The following CCDC102B variants were observed in gnomAD, a reference collection of about 807,000 sequenced individuals.
The protein encoded by CCDC102B is coiled-coil domain containing 102B.
A neutral mutation model predicts 57.4 loss-of-function variants in CCDC102B; 75 were observed. The observed-to-expected ratio is 1.31, with a 90% CI of 1.08 to 1.58. CCDC102B has a LOEUF of 1.58. Among genes scored for constraint, CCDC102B ranks in the 40% most tolerant of loss-of-function variants. The pLI is 0.00. For missense variants in CCDC102B, 636 were observed against 582.6 expected (o/e 1.09, Z -0.94); for synonymous variants, 206 against 201.9 (o/e 1.02, Z -0.17).
At chr18:69,052,707 T>C (rs1213070392) in intron 7 of CCDC102B, among the ~76,000 whole-genome samples, 1 of 151,806 alleles carries the variant, frequency 6.6e-6, no homozygotes, top group Non-Finnish European at 1.5e-5. Flanking sequence ...GTGCGGTGCG[T>C]TGCTATATAT....
At chr18:68,809,034 A>G (rs1256090992) in intron 1 of CCDC102B, among the ~76,000 whole-genome samples, 2 of 152,238 alleles carry the variant, frequency 1.3e-5, no homozygotes, top group African/African-American at 4.8e-5. Context: ...AAGAAAAAAC[A>G]TAATTATGAA....
At chr18:68,964,636 C>A (rs2050126120) in intron 6 of CCDC102B, among the ~76,000 whole-genome samples, 1 of 151,690 alleles carries the variant, frequency 6.6e-6, no homozygotes, top group African/African-American at 2.4e-5. Flanking sequence ...TAAACTATGT[C>A]TTTATATTTA....
chr18:69,049,216 C>A (rs1388865689), intron 7 of CCDC102B, among the ~76,000 whole-genome samples: 1 of 151,926 alleles, frequency 6.6e-6, no homozygotes, highest in Admixed American at 6.6e-5. Context: ...ACAGGCCCTG[C>A]TGTGTGATGT....
chr18:68,731,172 G>A (rs1254379805), intron 2 of CCDC102B, among the ~76,000 whole-genome samples: 1 of 152,034 alleles, frequency 6.6e-6, no homozygotes, highest in Non-Finnish European at 1.5e-5. Flanking sequence ...TTTTAGTAGA[G>A]ACAGGGTTTC....
At chr18:68,894,236 A>G (rs1304843734) in intron 5 of CCDC102B, among the ~76,000 whole-genome samples, 1 of 152,050 alleles carries the variant, frequency 6.6e-6, no homozygotes, top group East Asian at 1.9e-4. Context: ...TAAGTGTAGT[A>G]TTGGATATTT....
intron 2 of CCDC102B, among the ~76,000 whole-genome samples, chr18:68,724,313 T>A (rs1283163262): frequency 6.6e-6 from 1 of 152,208 alleles, no homozygotes; most frequent in East Asian, 1.9e-4. Context: ...TCCCCTTTGT[T>A]TTGGTGATTA....
At chr18:69,007,360 G>A (rs2051379442) in intron 6 of CCDC102B, among the ~76,000 whole-genome samples, 1 of 152,098 alleles carries the variant, frequency 6.6e-6, no homozygotes, top group Non-Finnish European at 1.5e-5. Context: ...CTCCCCCAAA[G>A]TCTCAGATTG....
At chr18:68,895,330 C>T (rs550932161) in intron 5 of CCDC102B, among the ~76,000 whole-genome samples, 1 of 151,666 alleles carries the variant, frequency 6.6e-6, no homozygotes, top group African/African-American at 2.4e-5. Flanking sequence ...GATTTGGGAA[C>T]AGAACATTTT....
At position 68,819,041 on chromosome 18, in the gene CCDC102B, C is replaced by G. The variant is rs562346998; in HGVS notation, c.-15-17708C>G. 1.9e-4 allele frequency among the ~76,000 whole-genome samples: 29 copies of G among 152,230 alleles called. No homozygotes were observed. The South Asian group carries it at 6.0e-3, about 32-fold the overall frequency. Reference sequence around the variant, plus strand: ...ATATATGCACGCTTAATGCATTCTTCACGCTATTATTTGCCTTTTCATTCT... The same window carrying G: ...ATATATGCACGCTTAATGCATTCTTGACGCTATTATTTGCCTTTTCATTCT... On this transcript the variant is annotated intron_variant, in intron 1 of 7. Coordinates refer to ENST00000360242, the MANE Select transcript of CCDC102B (RefSeq NM_024781.3).
intron 6 of CCDC102B, among the ~76,000 whole-genome samples, chr18:68,935,660 C>A (rs971635838): frequency 3.3e-5 from 5 of 151,794 alleles, no homozygotes; most frequent in Admixed American, 2.6e-4. Context: ...CAGATGAACA[C>A]GAATTGATAG....
At chr18:69,026,618 C>G (rs1179937220) in intron 7 of CCDC102B, among the ~76,000 whole-genome samples, 1 of 151,864 alleles carries the variant, frequency 6.6e-6, no homozygotes. Context: ...AATCATCCTC[C>G]CTGAAGTCAG....
chr18:68,991,311 A>G (rs74377560), intron 6 of CCDC102B, among the ~76,000 whole-genome samples: 2,323 of 152,214 alleles, frequency 0.015, 48 homozygotes, highest in East Asian at 0.082. Context: ...TGCCTGGGGA[A>G]CTTGTAAAAG....
intron 1 of CCDC102B, among the ~76,000 whole-genome samples, chr18:68,716,113 CT>C (rs1211004539): frequency 1.4e-5 from 2 of 147,536 alleles, no homozygotes; most frequent in African/African-American, 2.7e-5. Flanking sequence ...TTCTCTTTTC[CT>C]TTTTTTCTTT....
chr18:68,910,270 G>T (rs1298480572), intron 6 of CCDC102B, among the ~76,000 whole-genome samples: 1 of 152,148 alleles, frequency 6.6e-6, no homozygotes, highest in African/African-American at 2.4e-5. Flanking sequence ...TCCAGCCTGG[G>T]CAACAGAGTG....
chr18:68,747,106 G>T (rs2033649735), intron 2 of CCDC102B, among the ~76,000 whole-genome samples: 1 of 151,848 alleles, frequency 6.6e-6, no homozygotes, highest in African/African-American at 2.4e-5. Context: ...CTCTCTTCTG[G>T]CTGTTTGAAG....
chr18:68,931,284 A>C (rs537837348), intron 6 of CCDC102B, among the ~76,000 whole-genome samples: 1 of 152,108 alleles, frequency 6.6e-6, no homozygotes, highest in African/African-American at 2.4e-5. Context: ...TTATATGAAT[A>C]CATTTTAAGA....
intron 6 of CCDC102B, among the ~76,000 whole-genome samples, chr18:69,010,503 C>G (rs116231077): frequency 0.033 from 4,972 of 152,122 alleles, 268 homozygotes; most frequent in African/African-American, 0.11. Flanking sequence ...AACAACATGA[C>G]TACAGCCTCA....
intron 6 of CCDC102B, among the ~76,000 whole-genome samples, chr18:68,975,845 T>C (rs1045040541): frequency 2.0e-5 from 3 of 151,308 alleles, no homozygotes; most frequent in African/African-American, 7.3e-5. Flanking sequence ...AGTGCCACTT[T>C]CATTTAAAAA....
intron 4 of CCDC102B, chr18:68,866,766 T>C: frequency 3.0e-6 from 2 of 657,604 alleles, no homozygotes; most frequent in Non-Finnish European, 5.8e-6. Flanking sequence ...CACGGGTCTG[T>C]CTTTTTGGTA....
Sources: allele counts gnomAD v4.1 joint callset (sites outside exome capture counted in the v4.1 genomes callset), GRCh38; gene constraint gnomAD v4.1.1; transcripts MANE v1.5; gene names NCBI Gene and HGNC (gene_info 2026-07-23, HGNC 2026-07-21).